The following NRXN1 variants were observed in gnomAD, a reference collection of about 807,000 sequenced individuals.
NRXN1 encodes neurexin 1, also known as neurexin-1.
Under a neutral mutation model 150.9 loss-of-function variants are expected in NRXN1, and 39 were observed. That is an observed-to-expected ratio of 0.26 (90% CI 0.20 to 0.34). The LOEUF (loss-of-function observed/expected upper bound fraction) is 0.34. Among genes scored for constraint, NRXN1 ranks in the 10% least tolerant of loss-of-function variants. The pLI is 1.00. For missense variants in NRXN1, 1,815 were observed against 1,949.9 expected (o/e 0.93, Z 1.30); for synonymous variants, 924 against 757.0 (o/e 1.22, Z -3.62).
At chr2:50,126,379 A>G (rs1704588294) in intron 18 of NRXN1, among the ~76,000 whole-genome samples, 1 of 152,142 alleles carries the variant, frequency 6.6e-6, no homozygotes, top group African/African-American at 2.4e-5. Flanking sequence ...GGTAAAATTC[A>G]GCAGATAAAA....
chr2:50,752,354 GT>G (rs1385842483), intron 5 of NRXN1, among the ~76,000 whole-genome samples: 2 of 152,020 alleles, frequency 1.3e-5, no homozygotes. Context: ...AAATGATTTG[GT>G]TTTGTGATTA....
intron 10 of NRXN1, among the ~76,000 whole-genome samples, chr2:50,532,917 G>T (rs1034723087): frequency 1.3e-5 from 2 of 152,068 alleles, no homozygotes; most frequent in African/African-American, 4.8e-5. Flanking sequence ...ACTTAATAAA[G>T]AAAAACTACC....
intron 5 of NRXN1, chr2:50,829,693 A>G: frequency 6.2e-7 from 1 of 1,606,264 alleles, no homozygotes; most frequent in Non-Finnish European, 8.5e-7. Flanking sequence ...GCGCCGCGCC[A>G]GGCCGCCCGC....
At chr2:50,111,446 C>T (rs534256123) in intron 18 of NRXN1, among the ~76,000 whole-genome samples, 4 of 152,062 alleles carry the variant, frequency 2.6e-5, no homozygotes, top group Admixed American at 6.6e-5. Context: ...GTGAGACCGC[C>T]TGGCCAACAC....
At chr2:50,274,068 C>T (rs1156497671) in intron 17 of NRXN1, among the ~76,000 whole-genome samples, 2 of 152,140 alleles carry the variant, frequency 1.3e-5, no homozygotes, top group Non-Finnish European at 2.9e-5. Context: ...TATGAGGACA[C>T]ATGCACATGT....
At chr2:50,006,493 A>G (rs1232915851) in intron 21 of NRXN1, among the ~76,000 whole-genome samples, 2 of 152,112 alleles carry the variant, frequency 1.3e-5, no homozygotes, top group African/African-American at 4.8e-5. Context: ...TTTGTTATAC[A>G]TTCCCATTAT....
At chr2:50,344,552 A>G (rs2077788672) in intron 17 of NRXN1, among the ~76,000 whole-genome samples, 1 of 152,172 alleles carries the variant, frequency 6.6e-6, no homozygotes, top group African/African-American at 2.4e-5. Context: ...CTATACACAC[A>G]ACAATTTTCT....
chr2:50,027,741 C>G (rs987756292), intron 21 of NRXN1, among the ~76,000 whole-genome samples: 2 of 152,158 alleles, frequency 1.3e-5, no homozygotes, highest in Non-Finnish European at 2.9e-5. Context: ...GAGCCCTACC[C>G]TGTTTTTGCA....
chr2:49,987,538 A>G (rs1681139380), intron 21 of NRXN1, among the ~76,000 whole-genome samples: 1 of 152,156 alleles, frequency 6.6e-6, no homozygotes, highest in South Asian at 2.1e-4. Context: ...GCATGTGGTA[A>G]GCCTGCCTGG....
chr2:50,591,517 GATGTAAAAAA>G (rs559328069), intron 8 of NRXN1, among the ~76,000 whole-genome samples: 47 of 152,202 alleles, frequency 3.1e-4, no homozygotes, highest in Non-Finnish European at 6.0e-4. Context: ...CAATGATAGT[GATGTAAAAAA>G]ATGTGGGTCC....
intron 18 of NRXN1, among the ~76,000 whole-genome samples, chr2:50,195,814 A>G (rs2061721949): frequency 6.6e-6 from 1 of 152,142 alleles, no homozygotes; most frequent in Non-Finnish European, 1.5e-5. Flanking sequence ...TATTAATAAT[A>G]TTAATGATTT....
In NRXN1 at chr2:51,028,143, G is replaced by A. The variant is rs1670900195; in HGVS notation, c.131C>T (p.Pro44Leu). The A allele has an allele frequency of 1.9e-6, 3 of 1,551,912 alleles. No individual in the cohort carries two copies. The highest frequency in any genetic ancestry group is 2.6e-6 in the Non-Finnish European group (3 of 1,151,738). Residue 44 changes from proline to leucine, a missense_variant, in exon 2 of 23, where the codon CCC becomes CTC. Physicochemically the swap from Pro to Leu is moderately conservative, Grantham distance 98. This residue lies in a region of NRXN1 where 554 missense variants were observed against 478.8 expected (regional missense o/e 1.16). Coordinates refer to ENST00000401669, the MANE Select transcript of NRXN1 (RefSeq NM_001330078.2). ...PGAEGQWTRF[P>L]KWNACCESEM... ...GCTCTCGCAGCAGGCGTTCCACTTG[G>A]GGAAGCGCGTCCATTGGCCCTCGGC...
chr2:49,927,876 A>ATG (rs1157012655), intron 22 of NRXN1, among the ~76,000 whole-genome samples: 1 of 152,096 alleles, frequency 6.6e-6, no homozygotes, highest in Non-Finnish European at 1.5e-5. Flanking sequence ...TTATATATAT[A>ATG]TTTTGGTTCC....
intron 18 of NRXN1, among the ~76,000 whole-genome samples, chr2:50,098,230 C>T (rs193046488): frequency 2.4e-4 from 37 of 152,236 alleles, no homozygotes; most frequent in East Asian, 1.5e-3. Flanking sequence ...TTTCCTACTA[C>T]TGGGAGGAGA....
intron 18 of NRXN1, among the ~76,000 whole-genome samples, chr2:50,228,972 A>C (rs2064679139): frequency 6.6e-6 from 1 of 152,042 alleles, no homozygotes; most frequent in Non-Finnish European, 1.5e-5. Flanking sequence ...GGTCTAGCAC[A>C]CCATCTCCTA....
intron 19 of NRXN1, among the ~76,000 whole-genome samples, chr2:50,059,083 G>T (rs969213942): frequency 6.6e-6 from 1 of 152,158 alleles, no homozygotes. Context: ...TAACAGTTTG[G>T]AGAGCTCAGA....
chr2:50,521,570 C>CAA (rs1219099942), intron 12 of NRXN1, among the ~76,000 whole-genome samples: 15 of 152,176 alleles, frequency 9.9e-5, no homozygotes, highest in African/African-American at 3.4e-4. Flanking sequence ...TCTGAGCACA[C>CAA]AAAACATTTC....
At chr2:50,116,498 C>G (rs1278750349) in intron 18 of NRXN1, among the ~76,000 whole-genome samples, 2 of 152,060 alleles carry the variant, frequency 1.3e-5, no homozygotes, top group African/African-American at 4.8e-5. Context: ...TTCCTGAACT[C>G]TCTGGAAATG....
In NRXN1 at chr2:50,053,837, A is replaced by G. The variant is rs10469913; in HGVS notation, c.3809-247T>C. On this transcript the variant is annotated intron_variant, in intron 20 of 22. Coordinates refer to ENST00000401669, the MANE Select transcript of NRXN1 (RefSeq NM_001330078.2). ...GCTAAAAGACCAATCAAAGATATGT[A>G]TTACAAATCAGTTTTTAGTGGATCC... Among the ~76,000 whole-genome samples, 91,234 of 151,412 alleles carry G rather than the reference A, an allele frequency of 0.6. 27,791 individuals are homozygous for G. Among genetic ancestry groups the G allele is most frequent in the Middle Eastern group, 0.66 (194 of 292 alleles).
Sources: gnomAD v4.1 joint callset for allele counts (sites outside exome capture counted in the v4.1 genomes callset) on GRCh38, gnomAD v4.1.1 for gene constraint, gnomAD v4.1.1 regional missense constraint, MANE v1.5 for transcripts, NCBI Gene and HGNC (gene_info 2026-07-23, HGNC 2026-07-21) for gene names.